The following CNTNAP4 variants were observed in gnomAD, a reference collection of about 807,000 sequenced individuals.
CNTNAP4 encodes contactin-associated protein-like 4.
In CNTNAP4, 98 loss-of-function variants were observed where a neutral mutation model predicts 148.4. That is an observed-to-expected ratio of 0.66 (90% CI 0.56 to 0.78). The LOEUF (loss-of-function observed/expected upper bound fraction) is 0.78. Among genes scored for constraint, CNTNAP4 ranks in the 30% least tolerant of loss-of-function variants. CNTNAP4 has a pLI of 0.00. For missense variants in CNTNAP4, 1,935 were observed against 1,565.6 expected, an observed-to-expected ratio of 1.24 and a Z score of -3.98; for synonymous variants, 730 against 565.1, an observed-to-expected ratio of 1.29 and a Z score of -4.14.
chr16:76,516,663 C>T (rs561048733), intron 15 of CNTNAP4, among the ~76,000 whole-genome samples: 1 of 152,242 alleles, frequency 6.6e-6, no homozygotes, highest in Non-Finnish European at 1.5e-5. Flanking sequence ...TGTCCTTCTG[C>T]AGGTAGATGG....
intron 3 of CNTNAP4, among the ~76,000 whole-genome samples, chr16:76,366,722 A>G (rs567308329): frequency 1.3e-5 from 2 of 152,298 alleles, no homozygotes; most frequent in South Asian, 4.1e-4. Context: ...ACAATGGTTG[A>G]ACTAATTTAG....
rs933413832 is a variant in CNTNAP4 at position 76,525,426 on chromosome 16, A to G, written c.2755+3169A>G. 1.1e-3 allele frequency among the ~76,000 whole-genome samples: 162 copies of G among 150,384 alleles called. 1 individual carries two copies. Among genetic ancestry groups the G allele is most frequent in the African/African-American group, 3.8e-3 (158 of 41,296 alleles). On this transcript the variant is annotated intron_variant, in intron 17 of 23. Transcript: ENST00000611870. ...AAAAAATCTGTCTATCCATCTATCT[A>G]GAAAAAAATCTATATAGAGAGAGAA...
At chr16:76,357,663 T>C (rs974087403) in intron 3 of CNTNAP4, among the ~76,000 whole-genome samples, 7 of 152,210 alleles carry the variant, frequency 4.6e-5, no homozygotes, top group African/African-American at 1.7e-4. Context: ...CATGTCACAG[T>C]CAAATATTAA....
In CNTNAP4 at chr16:76,433,344, A is replaced by G. The variant is rs559738798; in HGVS notation, c.538+5745A>G. Among the ~76,000 whole-genome samples, 4 of 152,324 alleles carry G rather than the reference A, an allele frequency of 2.6e-5. No individual in the cohort carries two copies. In the South Asian group the frequency reaches 8.3e-4, roughly 32 times the overall value. ...ATGAGCAAATGTACAGATGTGTTAAACCATTGTGTTTAATTGCTTCAATGC... is the reference window on the plus strand; with the variant it reads ...ATGAGCAAATGTACAGATGTGTTAAGCCATTGTGTTTAATTGCTTCAATGC... On this transcript the variant is annotated intron_variant, in intron 4 of 23. Transcript: ENST00000611870.
chr16:76,299,878 A>C (rs1281132615), intron 1 of CNTNAP4, among the ~76,000 whole-genome samples: 1 of 152,168 alleles, frequency 6.6e-6, no homozygotes, highest in Non-Finnish European at 1.5e-5. Flanking sequence ...CATCATTATC[A>C]GCAAACTATC....
chr16:76,388,891 T>A (rs147023401), intron 3 of CNTNAP4, among the ~76,000 whole-genome samples: 12 of 152,362 alleles, frequency 7.9e-5, no homozygotes, highest in African/African-American at 2.9e-4. Context: ...AGAATTGTTC[T>A]TTGTGTGCTT....
intron 3 of CNTNAP4, among the ~76,000 whole-genome samples, chr16:76,415,501 C>T (rs957247005): frequency 4.0e-5 from 6 of 150,764 alleles, no homozygotes; most frequent in African/African-American, 7.3e-5. Context: ...TCTAATAATA[C>T]GTTGAATTAA....
In CNTNAP4 at chr16:76,553,294, G is replaced by A. The variant is rs763038737; in HGVS notation, c.3454G>A (p.Val1152Met). The A allele has an allele frequency of 1.1e-5, 17 of 1,595,954 alleles. No homozygotes were observed. In the East Asian group the frequency reaches 1.1e-4, roughly 11 times the overall value. ...CTTTGAATTTCTAGAACACAGTGAT[G>A]TGGACCAGGATACTGCACTGGCAGG... ...VLGRILEHSDVDQDTALAGAQ... is the reference protein window; with the variant it reads ...VLGRILEHSDMDQDTALAGAQ... The change falls in exon 22 of 24, where the codon GTG becomes ATG. Residue 1152 changes from valine to methionine, a missense_variant. Physicochemically the swap from Val to Met is conservative, Grantham distance 21 (BLOSUM62 1). Coordinates refer to ENST00000611870, the MANE Select transcript of CNTNAP4 (RefSeq NM_033401.5).
intron 1 of CNTNAP4, among the ~76,000 whole-genome samples, chr16:76,283,838 C>A (rs1597073195): frequency 6.6e-6 from 1 of 151,918 alleles, no homozygotes; most frequent in Non-Finnish European, 1.5e-5. Flanking sequence ...CAAAAGAAGT[C>A]CTTCACTATC....
chr16:76,543,207 A>T (rs887868846), intron 21 of CNTNAP4, among the ~76,000 whole-genome samples: 5 of 152,200 alleles, frequency 3.3e-5, no homozygotes, highest in East Asian at 3.9e-4. Context: ...TTTATTTGGC[A>T]TATGTCTAAG....
intron 10 of CNTNAP4, among the ~76,000 whole-genome samples, chr16:76,470,732 G>A (rs894681348): frequency 1.4e-5 from 2 of 142,350 alleles, no homozygotes; most frequent in South Asian, 4.2e-4. Context: ...AAATAATGCA[G>A]GTTTTTAAAA....
chr16:76,445,838 A>G (rs2080218719), intron 4 of CNTNAP4, among the ~76,000 whole-genome samples: 1 of 152,182 alleles, frequency 6.6e-6, no homozygotes, highest in Non-Finnish European at 1.5e-5. Flanking sequence ...TAACTCGGAG[A>G]TAACTGCATT....
At chr16:76,473,907 C>A (rs1252297738) in intron 10 of CNTNAP4, among the ~76,000 whole-genome samples, 1 of 150,522 alleles carries the variant, frequency 6.6e-6, no homozygotes, top group Admixed American at 6.6e-5. Flanking sequence ...CACTTAAAAC[C>A]TTTGTCTCTT....
intron 3 of CNTNAP4, among the ~76,000 whole-genome samples, chr16:76,419,508 ACT>A (rs1384418977): frequency 2.0e-5 from 3 of 151,808 alleles, no homozygotes; most frequent in African/African-American, 7.3e-5. Context: ...GGAACTTCTC[ACT>A]CTCATGCTAG....
At chr16:76,308,932 C>G (rs967608019) in intron 1 of CNTNAP4, among the ~76,000 whole-genome samples, 2 of 151,624 alleles carry the variant, frequency 1.3e-5, no homozygotes, top group Non-Finnish European at 1.5e-5. Flanking sequence ...TCAAGAGACC[C>G]TCCTGCCTCA....
chr16:76,352,305 C>T (rs1254948414), intron 2 of CNTNAP4, among the ~76,000 whole-genome samples: 1 of 152,126 alleles, frequency 6.6e-6, no homozygotes, highest in Non-Finnish European at 1.5e-5. Flanking sequence ...GAGAAAAACT[C>T]ATCCACACGC....
intron 4 of CNTNAP4, among the ~76,000 whole-genome samples, chr16:76,436,071 A>G (rs2079814178): frequency 6.6e-6 from 1 of 152,094 alleles, no homozygotes; most frequent in Non-Finnish European, 1.5e-5. Flanking sequence ...GTCTAGTTAT[A>G]GGTATAGAAC....
intron 12 of CNTNAP4, among the ~76,000 whole-genome samples, chr16:76,488,567 G>C (rs1271872576): frequency 6.6e-6 from 1 of 152,090 alleles, no homozygotes; most frequent in African/African-American, 2.4e-5. Context: ...GAATGTCTTA[G>C]CTAAAAAGAG....
At chr16:76,444,572 A>G (rs1459410971) in intron 4 of CNTNAP4, among the ~76,000 whole-genome samples, 2 of 139,610 alleles carry the variant, frequency 1.4e-5, no homozygotes, top group Non-Finnish European at 2.9e-5. Flanking sequence ...CTCTCAAAAG[A>G]TTAATTTTTT....
Sources: gnomAD v4.1 joint callset for allele counts (sites outside exome capture counted in the v4.1 genomes callset) on GRCh38, gnomAD v4.1.1 for gene constraint, MANE v1.5 for transcripts, NCBI Gene and HGNC (gene_info 2026-07-23, HGNC 2026-07-21) for gene names.